The following DCC variants were observed in gnomAD, a reference collection of about 807,000 sequenced individuals.
The protein encoded by DCC is DCC netrin 1 receptor.
Under a neutral mutation model 172.5 loss-of-function variants are expected in DCC, and 58 were observed. That is an observed-to-expected ratio of 0.34 (90% CI 0.27 to 0.42). DCC has a LOEUF of 0.42. Among genes scored for constraint, DCC ranks in the 10% least tolerant of loss-of-function variants. The probability of loss-of-function intolerance (pLI) is 1.00; values close to 1 mark genes in which losing one functional copy is unlikely to be tolerated. For synonymous variants in DCC, 709 were observed against 644.5 expected, an observed-to-expected ratio of 1.10 and a Z score of -1.52; for missense variants, 1,740 against 1,791.0, an observed-to-expected ratio of 0.97 and a Z score of 0.51.
At chr18:53,373,971 A>G (rs2058085764) in intron 15 of DCC, among the ~76,000 whole-genome samples, 1 of 152,234 alleles carries the variant, frequency 6.6e-6, no homozygotes, top group Non-Finnish European at 1.5e-5. Flanking sequence ...ACATTTGAAT[A>G]TAAAACAGAT....
chr18:52,462,470 C>T (rs1174641761), intron 1 of DCC, among the ~76,000 whole-genome samples: 2 of 152,158 alleles, frequency 1.3e-5, no homozygotes, highest in Admixed American at 6.5e-5. Context: ...CTCAGGCCTA[C>T]CTGCTTACTT....
At position 52,595,309 on chromosome 18, in the gene DCC, G is replaced by A. The variant is rs181461200; in HGVS notation, c.92-156745G>A. Among the ~76,000 whole-genome samples, 463 of 152,160 alleles carry A rather than the reference G, an allele frequency of 3.0e-3. 1 individual carries two copies. Among genetic ancestry groups the A allele is most frequent in the Non-Finnish European group, 5.1e-3 (348 of 68,012 alleles). On this transcript the variant is annotated intron_variant, in intron 1 of 28. Coordinates refer to ENST00000442544, the MANE Select transcript of DCC (RefSeq NM_005215.4). The stretch of plus-strand genomic sequence containing the variant: ...CCTCCCATCATTTCCTGACATTTCT[G>A]ATGTTCTCTGGAAATAAATAGTCCA...
rs77591800 is a variant in DCC at position 53,019,080 on chromosome 18, G to A, written c.986-44225G>A. On this transcript the variant is annotated intron_variant, in intron 5 of 28. Transcript: ENST00000442544. ...CTTTAATCAGTGGTTAAAATTGGCCGCTGACTGGGGCCAATGCTGTCTAGC... is the reference window on the plus strand; with the variant it reads ...CTTTAATCAGTGGTTAAAATTGGCCACTGACTGGGGCCAATGCTGTCTAGC... 9.9e-4 allele frequency among the ~76,000 whole-genome samples: 151 copies of A among 152,198 alleles called. 1 individual carries two copies. In the East Asian group the frequency reaches 0.027, roughly 27 times the overall value.
At chr18:53,145,914 T>C (rs1041277509) in intron 7 of DCC, among the ~76,000 whole-genome samples, 4 of 152,190 alleles carry the variant, frequency 2.6e-5, no homozygotes, top group African/African-American at 9.6e-5. Context: ...GAAGAGAATA[T>C]AGTCCTTTGT....
At chr18:53,027,557 C>G (rs907998121) in intron 5 of DCC, among the ~76,000 whole-genome samples, 1 of 152,106 alleles carries the variant, frequency 6.6e-6, no homozygotes, top group African/African-American at 2.4e-5. Flanking sequence ...GCTTCAGGTC[C>G]TCTGTAGGAG....
At chr18:52,414,390 T>C (rs1017315982) in intron 1 of DCC, among the ~76,000 whole-genome samples, 4 of 152,192 alleles carry the variant, frequency 2.6e-5, no homozygotes, top group Non-Finnish European at 5.9e-5. Context: ...TTAATATGAA[T>C]TCTCTTTTCC....
chr18:53,256,368 C>A (rs960380336), intron 12 of DCC, among the ~76,000 whole-genome samples: 1 of 152,086 alleles, frequency 6.6e-6, no homozygotes, highest in Non-Finnish European at 1.5e-5. Context: ...GGTCTTTAAT[C>A]CATCTTGAAT....
intron 1 of DCC, among the ~76,000 whole-genome samples, chr18:52,574,920 CAA>C (rs2033375637): frequency 6.6e-6 from 1 of 152,096 alleles, no homozygotes; most frequent in African/African-American, 2.4e-5. Flanking sequence ...TTTAGAAATG[CAA>C]AGTCATAGAC....
At chr18:52,889,046 C>CA (rs1028350663) in intron 2 of DCC, among the ~76,000 whole-genome samples, 1 of 151,902 alleles carries the variant, frequency 6.6e-6, no homozygotes, top group Non-Finnish European at 1.5e-5. Flanking sequence ...GGAAGCTCAA[C>CA]AGGGGAGGGA....
chr18:52,491,784 G>C (rs2030514115), intron 1 of DCC, among the ~76,000 whole-genome samples: 10 of 152,052 alleles, frequency 6.6e-5, no homozygotes, highest in Admixed American at 6.6e-4. Flanking sequence ...TACTTGAGTA[G>C]CTGGTTTGTT....
At chr18:52,947,407 G>A (rs148245225) in intron 5 of DCC, among the ~76,000 whole-genome samples, 1 of 152,242 alleles carries the variant, frequency 6.6e-6, no homozygotes, top group East Asian at 1.9e-4. Flanking sequence ...TTTGGCATCA[G>A]ATTTAAGCAA....
At chr18:53,112,997 T>C (rs2043355336) in intron 7 of DCC, among the ~76,000 whole-genome samples, 1 of 151,568 alleles carries the variant, frequency 6.6e-6, no homozygotes. Flanking sequence ...TTCTTGCTCA[T>C]GACTGATTCA....
intron 1 of DCC, among the ~76,000 whole-genome samples, chr18:52,437,893 G>C (rs1987847610): frequency 6.6e-6 from 1 of 152,146 alleles, no homozygotes; most frequent in Non-Finnish European, 1.5e-5. Flanking sequence ...AAATCACTCA[G>C]CTTAAGAGGT....
At chr18:52,539,013 T>C (rs1358699639) in intron 1 of DCC, among the ~76,000 whole-genome samples, 1 of 152,176 alleles carries the variant, frequency 6.6e-6, no homozygotes, top group Non-Finnish European at 1.5e-5. Flanking sequence ...AATTAGCCTC[T>C]TGTTCTTTCC....
intron 12 of DCC, among the ~76,000 whole-genome samples, chr18:53,258,826 A>G (rs1380087467): frequency 1.3e-5 from 2 of 152,038 alleles, no homozygotes; most frequent in Non-Finnish European, 2.9e-5. Flanking sequence ...AAAGTCTCCC[A>G]TTATTGTATG....
intron 2 of DCC, among the ~76,000 whole-genome samples, chr18:52,843,208 C>T (rs2038834314): frequency 6.6e-6 from 1 of 152,148 alleles, no homozygotes; most frequent in Admixed American, 6.5e-5. Flanking sequence ...AAAAATACAA[C>T]TAGACTGTGT....
intron 2 of DCC, among the ~76,000 whole-genome samples, chr18:52,857,324 G>A (rs146254047): frequency 6.6e-6 from 1 of 152,118 alleles, no homozygotes; most frequent in Admixed American, 6.5e-5. Flanking sequence ...GCATTAATGA[G>A]CTCACTCCAT....
intron 5 of DCC, among the ~76,000 whole-genome samples, chr18:53,054,100 C>T (rs1043298907): frequency 2.0e-5 from 3 of 152,080 alleles, no homozygotes; most frequent in Non-Finnish European, 2.9e-5. Flanking sequence ...ATATAACCTA[C>T]GTCAATCCTC....
intron 5 of DCC, among the ~76,000 whole-genome samples, chr18:52,938,706 G>A (rs1193772593): frequency 6.6e-6 from 1 of 151,986 alleles, no homozygotes; most frequent in Non-Finnish European, 1.5e-5. Context: ...AATAGGATTT[G>A]GTTTAATGAA....
Sources: allele counts gnomAD v4.1 joint callset (sites outside exome capture counted in the v4.1 genomes callset), GRCh38; gene constraint gnomAD v4.1.1; transcripts MANE v1.5; gene names NCBI Gene and HGNC (gene_info 2026-07-23, HGNC 2026-07-21).